Variants in NFIC observed in about 807,000 individuals in gnomAD.
NFIC encodes the protein nuclear factor I C, also known as nuclear factor 1 C-type.
NFIC carries 12 observed loss-of-function variants against 54.4 expected under a neutral mutation model. That is an observed-to-expected ratio of 0.22 (90% confidence interval 0.14 to 0.36). The LOEUF (loss-of-function observed/expected upper bound fraction) is 0.36. Ranked by LOEUF, NFIC falls within the 10% of genes least tolerant of loss-of-function variation. NFIC has a pLI of 1.00. For synonymous variants in NFIC, 322 were observed against 319.2 expected (o/e 1.01, Z -0.09); for missense variants, 575 against 718.2 (o/e 0.80, Z 2.28).
rs71166903 is a variant in NFIC, at chr19:3,436,309, A to AT, written c.958+1130dup. ...AGGTGCATACTGCCATGCGCCGTTA[A>AT]TTTTTTTTTTTTTTTTTTTTTTTTT... On this transcript the variant is annotated intron_variant, in intron 6 of 10. Coordinates refer to ENST00000443272, the MANE Select transcript of NFIC (RefSeq NM_001245002.2). 3.5e-3 allele frequency among the ~76,000 whole-genome samples: 297 copies of AT among 85,490 alleles called. 9 individuals carry two copies. The highest frequency in any genetic ancestry group is 6.1e-3 in the African/African-American group (140 of 23,034). The allele number at this position is 85,490 out of a possible 152,430, so 56.1% of individuals were successfully genotyped here.
At chr19:3,376,965 GAT>G (rs2081118907) in intron 1 of NFIC, among the ~76,000 whole-genome samples, 1 of 151,504 alleles carries the variant, frequency 6.6e-6, no homozygotes, top group Non-Finnish European at 1.5e-5. Flanking sequence ...CCTGACCTCA[GAT>G]GATCCACCCA....
At chr19:3,433,332 C>T (rs1417727063) in intron 3 of NFIC, among the ~76,000 whole-genome samples, 186 bp from the exon 4 acceptor site, 1 of 152,238 alleles carries the variant, frequency 6.6e-6, no homozygotes, top group Non-Finnish European at 1.5e-5. Context: ...TGAAGGCCCA[C>T]ACTGGACAAG....
At chr19:3,360,128 G>T (rs1201058467) in intron 1 of NFIC, among the ~76,000 whole-genome samples, 1 of 145,916 alleles carries the variant, frequency 6.9e-6, no homozygotes, top group Admixed American at 6.8e-5. Context: ...GTGGGGCGGG[G>T]GTCGCGGCGG....
At chr19:3,373,625 C>CT (rs1279172325) in intron 1 of NFIC, among the ~76,000 whole-genome samples, 2 of 124,462 alleles carry the variant, frequency 1.6e-5, no homozygotes, top group African/African-American at 3.1e-5. Flanking sequence ...GGACCCCCCC[C>CT]CCAAGCTAAA....
chr19:3,451,325 C>T (rs977368434), intron 7 of NFIC, among the ~76,000 whole-genome samples: 2 of 151,998 alleles, frequency 1.3e-5, no homozygotes, highest in Non-Finnish European at 2.9e-5. Flanking sequence ...CTGATGGAGA[C>T]GGAATTTCTT....
intron 2 of NFIC, among the ~76,000 whole-genome samples, chr19:3,398,028 G>A (rs2081492732): frequency 6.6e-6 from 1 of 152,136 alleles, no homozygotes; most frequent in Non-Finnish European, 1.5e-5. Flanking sequence ...ACCCCTGTGG[G>A]TTGCTGGGCA....
intron 1 of NFIC, among the ~76,000 whole-genome samples, chr19:3,380,842 T>G (rs1193920795): frequency 6.6e-6 from 1 of 152,032 alleles, no homozygotes; most frequent in East Asian, 1.9e-4. Context: ...TTTGTAGCGA[T>G]GGGGTTTTAC....
At chr19:3,378,791 G>A (rs1017800156) in intron 1 of NFIC, among the ~76,000 whole-genome samples, 12 of 152,180 alleles carry the variant, frequency 7.9e-5, no homozygotes, top group African/African-American at 2.9e-4. Flanking sequence ...AACCTTTGTG[G>A]CTGAGCGTCT....
chr19:3,362,355 G>A (rs577516473), upstream of NFIC, among the ~76,000 whole-genome samples: 6 of 152,074 alleles, frequency 3.9e-5, no homozygotes, highest in African/African-American at 9.6e-5. Context: ...GTCAAGAAGC[G>A]TCCTGTGGGG....
rs2082703973 is a variant in NFIC, at chr19:3,465,395, A to G, written c.*2626A>G. On this transcript the variant is annotated 3_prime_UTR_variant, in exon 11 of 11. Transcript: ENST00000443272. ...GAAAAGGGATGTATTTCTATTTGTAAAAAAAATAAAATAAAAAATAAGAAA... is the reference window on the plus strand; with the variant it reads ...GAAAAGGGATGTATTTCTATTTGTAGAAAAAATAAAATAAAAAATAAGAAA... The G allele has an allele frequency of 2.7e-5, 4 of 148,910 alleles. No individual in the cohort carries two copies. The allele number at this position is 148,910 out of a possible 1,614,324, so 9.2% of individuals were successfully genotyped here.
intron 2 of NFIC, among the ~76,000 whole-genome samples, chr19:3,402,517 T>A (rs1175209540): frequency 6.6e-6 from 1 of 152,156 alleles, no homozygotes; most frequent in Non-Finnish European, 1.5e-5. Context: ...ACAACAGAGA[T>A]CTAGACAGAC....
intron 2 of NFIC, among the ~76,000 whole-genome samples, chr19:3,393,245 G>T (rs989407442): frequency 6.6e-6 from 1 of 152,118 alleles, no homozygotes; most frequent in Non-Finnish European, 1.5e-5. Flanking sequence ...CTTTAGGTCC[G>T]CTTGGCTGTT....
intron 3 of NFIC, among the ~76,000 whole-genome samples, chr19:3,425,836 C>G (rs1368936915): frequency 6.6e-6 from 1 of 151,336 alleles, no homozygotes; most frequent in Non-Finnish European, 1.5e-5. Context: ...CTCACTGCAG[C>G]CTGGACCAGC....
chr19:3,454,797 G>T (rs2082526833), intron 9 of NFIC, among the ~76,000 whole-genome samples: 1 of 149,342 alleles, frequency 6.7e-6, no homozygotes, highest in Admixed American at 6.7e-5. Context: ...TGGTGGCCAC[G>T]GTTCCTTCTA....
chr19:3,400,829 G>A lies in NFIC; in HGVS notation c.562+18586G>A, dbSNP rs530454883. Among the ~76,000 whole-genome samples the A allele has an allele frequency of 8.5e-5, 13 of 152,328 alleles. No individual in the cohort carries two copies. In the South Asian group the frequency reaches 2.5e-3, roughly 29 times the overall value. Reference sequence around the variant, plus strand: ...TACACTCCAGCTGGGGCCACAGAGCGAGACTCCGTCTCAAAAAATAATAAT... The same window carrying A: ...TACACTCCAGCTGGGGCCACAGAGCAAGACTCCGTCTCAAAAAATAATAAT... On this transcript the variant is annotated intron_variant, in intron 2 of 10. Coordinates refer to ENST00000443272, the MANE Select transcript of NFIC (RefSeq NM_001245002.2).
intron 7 of NFIC, among the ~76,000 whole-genome samples, chr19:3,450,215 G>A (rs1329371781): frequency 7.0e-6 from 1 of 143,520 alleles, no homozygotes; most frequent in Non-Finnish European, 1.5e-5. Context: ...CGTGGTGGCA[G>A]GCGCCTGTAG....
chr19:3,462,791 C>G lies in NFIC; in HGVS notation c.*22C>G. The G allele has an allele frequency of 6.2e-7, 1 of 1,613,964 alleles. No homozygotes were observed. Among genetic ancestry groups the G allele is most frequent in the African/African-American group, 1.3e-5 (1 of 75,022 alleles). On this transcript the variant is annotated 3_prime_UTR_variant, in exon 11 of 11. Transcript: ENST00000443272. ...ATAGCAAAGGTCTTCTTCCCTCGCC[C>G]CTTCTCCATCGTCCCAGGAATCCCA...
chr19:3,368,833 C>T (rs183187978), intron 1 of NFIC, among the ~76,000 whole-genome samples: 13 of 152,248 alleles, frequency 8.5e-5, no homozygotes, highest in Admixed American at 5.9e-4. Context: ...CTCAGTTTCC[C>T]GAATCACGTC....
intron 1 of NFIC, among the ~76,000 whole-genome samples, chr19:3,360,105 G>C (rs1297563230): frequency 6.8e-6 from 1 of 146,638 alleles, no homozygotes; most frequent in African/African-American, 2.5e-5. Flanking sequence ...GGGGGCGCAC[G>C]GCGGGACGGC....
Sources: gnomAD v4.1 joint callset for allele counts (sites outside exome capture counted in the v4.1 genomes callset) on GRCh38, gnomAD v4.1.1 for gene constraint, MANE v1.5 for transcripts, NCBI Gene and HGNC (gene_info 2026-07-23, HGNC 2026-07-21) for gene names.